Variants in PUDP observed in about 807,000 individuals in gnomAD.
PUDP encodes pseudouridine 5'-phosphatase, also known as pseudouridine-5'-phosphatase.
In PUDP, 8 loss-of-function variants were observed where a neutral mutation model predicts 9.4. The observed-to-expected ratio is 0.85, with a 90% CI of 0.50 to 1.53. PUDP has a LOEUF of 1.53. Ranked by LOEUF, PUDP falls within the 40% of genes most tolerant of loss-of-function variation. The probability of loss-of-function intolerance (pLI) is 0.00; values close to 1 mark genes in which losing one functional copy is unlikely to be tolerated. For synonymous variants in PUDP, 99 were observed against 80.7 expected (o/e 1.23, Z -1.22); for missense variants, 188 against 189.7 (o/e 0.99, Z 0.05).
At chrX:6,714,455 T>C (rs1314153281) in intron 1 of PUDP, among the ~76,000 whole-genome samples, 2 of 111,543 alleles carry the variant, frequency 1.8e-5, no homozygotes, top group African/African-American at 3.3e-5. Flanking sequence ...AATGAAAGGA[T>C]AGATGCATAG....
chrX:6,996,416 C>T (rs1929250488), intron 1 of PUDP, among the ~76,000 whole-genome samples: 1 of 110,667 alleles, frequency 9.0e-6, no homozygotes, highest in Non-Finnish European at 1.9e-5. Context: ...CAACTTCCAA[C>T]ACATAGCTTG....
At chrX:7,132,635 A>G (rs1932650098) in intron 1 of PUDP, among the ~76,000 whole-genome samples, 2 of 112,202 alleles carry the variant, frequency 1.8e-5, no homozygotes, top group Admixed American at 1.9e-4. Context: ...AGCACTGACA[A>G]CGCACACAAA....
chrX:7,080,796 C>T (rs1006800317), intron 2 of PUDP, among the ~76,000 whole-genome samples: 31 of 109,903 alleles, frequency 2.8e-4, no homozygotes, highest in Middle Eastern at 4.7e-3. Context: ...GCAGTGCGTC[C>T]TGTAACCCGT....
At chrX:6,826,510 C>T (rs1013177525) in intron 3 of PUDP, among the ~76,000 whole-genome samples, 5 of 111,594 alleles carry the variant, frequency 4.5e-5, no homozygotes, top group Non-Finnish European at 9.4e-5. Flanking sequence ...AACTTACATA[C>T]ATAGACATAG....
At chrX:6,829,000 G>T (rs1180713719) in intron 3 of PUDP, among the ~76,000 whole-genome samples, 1 of 110,580 alleles carries the variant, frequency 9.0e-6, no homozygotes, top group Non-Finnish European at 1.9e-5. Flanking sequence ...GAACCCCCAA[G>T]GGATGATGTT....
At chrX:6,939,879 G>C (rs1388413000) in intron 3 of PUDP, among the ~76,000 whole-genome samples, 2 of 110,425 alleles carry the variant, frequency 1.8e-5, no homozygotes, top group Non-Finnish European at 3.8e-5. Flanking sequence ...AAAAAGAAGA[G>C]AAAAGAAAAA....
At chrX:7,062,519 A>C (rs1479670420) in intron 3 of PUDP, among the ~76,000 whole-genome samples, 4 of 111,608 alleles carry the variant, frequency 3.6e-5, no homozygotes, top group Admixed American at 1.9e-4. Flanking sequence ...AGCTTAGCAG[A>C]GACAGCTACT....
chrX:6,884,817 G>A lies in PUDP; in HGVS notation c.*247+92316C>T, dbSNP rs181444072. On this transcript the variant is annotated intron_variant and NMD_transcript_variant, in intron 3 of 3. Transcript: ENST00000655425. ...GATTAAATATCCAATATTGGTTTCC[G>A]AAAGTGATCACTTTGAAAGGAATAA... 4.7e-3 allele frequency among the ~76,000 whole-genome samples: 530 copies of A among 112,324 alleles called. 2 individuals are homozygous for A. Among genetic ancestry groups the A allele is most frequent in the African/African-American group, 0.016 (508 of 30,962 alleles).
rs191893365 is a variant in PUDP at position 7,079,804 on chromosome X, G to A, written c.281-2355C>T. On this transcript the variant is annotated intron_variant, in intron 2 of 3. Coordinates refer to ENST00000381077, the MANE Select transcript of PUDP (RefSeq NM_012080.5). ...TGGGATGTGGCTAAAACATTGCTTCGATGAAAACTGATGGCATTGAGTGAT... is the reference window on the plus strand; with the variant it reads ...TGGGATGTGGCTAAAACATTGCTTCAATGAAAACTGATGGCATTGAGTGAT... Among the ~76,000 whole-genome samples, 25 of 112,117 alleles carry A rather than the reference G, an allele frequency of 2.2e-4. No individual in the cohort carries two copies. In the East Asian group the frequency reaches 7.0e-3, roughly 31 times the overall value.
chrX:6,775,039 G>A (rs772848832), intron 3 of PUDP, among the ~76,000 whole-genome samples: 1 of 112,040 alleles, frequency 8.9e-6, no homozygotes, highest in Non-Finnish European at 1.9e-5. Flanking sequence ...TCACAGTGTT[G>A]TGCAACTATC....
At chrX:6,713,632 G>A (rs926897648) in intron 1 of PUDP, among the ~76,000 whole-genome samples, 1 of 111,156 alleles carries the variant, frequency 9.0e-6, no homozygotes, top group Middle Eastern at 4.6e-3. Flanking sequence ...TAACCCCATC[G>A]TAAGTGGAGG....
chrX:6,709,800 G>A (rs1377814143), intron 1 of PUDP, among the ~76,000 whole-genome samples: 3 of 111,970 alleles, frequency 2.7e-5, no homozygotes, highest in African/African-American at 9.7e-5. Flanking sequence ...TCAAACCTAA[G>A]GCACAACCAG....
chrX:7,016,298 T>C (rs866262600), intron 1 of PUDP, among the ~76,000 whole-genome samples: 1 of 111,038 alleles, frequency 9.0e-6, no homozygotes, highest in Non-Finnish European at 1.9e-5. Flanking sequence ...GCTTTGATTT[T>C]GGGGTACTGC....
intron 3 of PUDP, among the ~76,000 whole-genome samples, chrX:6,835,451 T>A (rs1009738885): frequency 9.0e-6 from 1 of 111,604 alleles, no homozygotes; most frequent in African/African-American, 3.3e-5. Context: ...CCCATATATA[T>A]GGGAATTTGT....
In PUDP at chrX:7,077,223, C is replaced by A; in HGVS notation, c.507G>T (p.Glu169Asp). The stretch of plus-strand genomic sequence containing the variant: ...CGTGTCACCGGCACCCACTTACCTT[C>A]TCCATAGCAGGAGGGGGAGAGAACC... ...AKRFSPPPAM[E>D]KCLVFEDAPN... is the part of the protein sequence containing the mutation. The change falls in exon 3 of 4, where the codon GAG (glutamate) becomes GAT (aspartate). Residue 169 changes from glutamate (E) to aspartate (D), a missense_variant. Transcript: ENST00000381077. 1 of 1,188,498 alleles carries A rather than the reference C, an allele frequency of 8.4e-7. No homozygotes were observed. The highest frequency in any genetic ancestry group is 1.1e-6 in the Non-Finnish European group (1 of 883,731).
At chrX:6,808,651 T>G (rs1210107436) in intron 3 of PUDP, among the ~76,000 whole-genome samples, 1 of 111,790 alleles carries the variant, frequency 8.9e-6, no homozygotes, top group Non-Finnish European at 1.9e-5. Context: ...CAGGTTTACG[T>G]TCATTATTTT....
intron 3 of PUDP, among the ~76,000 whole-genome samples, chrX:6,933,475 A>C (rs1168123660): frequency 1.8e-5 from 2 of 110,059 alleles, no homozygotes; most frequent in Non-Finnish European, 3.8e-5. Flanking sequence ...CACACCAAAA[A>C]CCCATCTGTA....
intron 3 of PUDP, among the ~76,000 whole-genome samples, chrX:6,786,272 C>T (rs986952625): frequency 9.0e-6 from 1 of 111,418 alleles, no homozygotes; most frequent in Admixed American, 9.6e-5. Flanking sequence ...ATTTACAAAC[C>T]CTGAAGCAGA....
At chrX:7,102,938 T>C (rs752855028) in intron 2 of PUDP, among the ~76,000 whole-genome samples, 3 of 111,677 alleles carry the variant, frequency 2.7e-5, no homozygotes, top group East Asian at 2.8e-4. Context: ...CACAAATAAA[T>C]TGAAAGACAT....
Sources: allele counts gnomAD v4.1 joint callset (sites outside exome capture counted in the v4.1 genomes callset), GRCh38; gene constraint gnomAD v4.1.1; transcripts MANE v1.5; gene names NCBI Gene and HGNC (gene_info 2026-07-23, HGNC 2026-07-21).